Variants in TBC1D5 observed in about 807,000 individuals in gnomAD.
TBC1D5 encodes the protein TBC1 domain family member 5.
In TBC1D5, 75 loss-of-function variants were observed where a neutral mutation model predicts 100.3. The ratio of observed to expected loss-of-function variants is 0.75; its 90% CI spans 0.62 to 0.91. TBC1D5 has a LOEUF of 0.91. TBC1D5 is among the 40% of genes least tolerant of loss of function. The pLI, the probability that TBC1D5 is intolerant of heterozygous loss-of-function variation, is 0.00. For missense variants in TBC1D5, 910 were observed against 942.4 expected (o/e 0.97, Z 0.45); for synonymous variants, 323 against 325.6 (o/e 0.99, Z 0.09).
intron 2 of TBC1D5, among the ~76,000 whole-genome samples, chr3:17,622,003 G>T (rs1254087927): frequency 2.6e-5 from 4 of 152,010 alleles, no homozygotes; most frequent in Non-Finnish European, 5.9e-5. Flanking sequence ...AATCTGATTG[G>T]GATAAGTTCT....
At chr3:17,294,820 C>T (rs909124252) in intron 14 of TBC1D5, among the ~76,000 whole-genome samples, 17 of 152,180 alleles carry the variant, frequency 1.1e-4, no homozygotes, top group Non-Finnish European at 2.1e-4. Flanking sequence ...CCTTAATTTG[C>T]AATTAGATAT....
chr3:17,706,183 A>G, intron 1 of TBC1D5: 1 of 1,560,860 alleles, frequency 6.4e-7, no homozygotes, highest in Admixed American at 1.9e-5. Context: ...AGCCGCTCGA[A>G]GGGCCTCTTC....
chr3:17,510,921 G>A (rs955167356), intron 2 of TBC1D5, among the ~76,000 whole-genome samples: 9 of 152,098 alleles, frequency 5.9e-5, no homozygotes, highest in South Asian at 4.1e-4. Context: ...CACACAAGGA[G>A]TAAGTATTAA....
At chr3:17,436,345 AAGTT>A (rs1021884400) in intron 3 of TBC1D5, among the ~76,000 whole-genome samples, 149 of 152,316 alleles carry the variant, frequency 9.8e-4, no homozygotes, top group African/African-American at 3.4e-3. Flanking sequence ...TCCTCAAAAA[AAGTT>A]AGCTATCATT....
intron 16 of TBC1D5, among the ~76,000 whole-genome samples, chr3:17,252,876 AAATG>A (rs1160745841): frequency 2.0e-5 from 3 of 152,238 alleles, no homozygotes; most frequent in African/African-American, 7.2e-5. Context: ...AGCATTTGTG[AAATG>A]AATGAATACT....
At chr3:17,604,170 G>A (rs997276760) in intron 2 of TBC1D5, among the ~76,000 whole-genome samples, 1 of 152,080 alleles carries the variant, frequency 6.6e-6, no homozygotes, top group East Asian at 1.9e-4. Flanking sequence ...ATGTTGCCCA[G>A]GCTAGTCTCA....
At chr3:17,373,512 T>C (rs568701522) in intron 12 of TBC1D5, among the ~76,000 whole-genome samples, 1 of 152,264 alleles carries the variant, frequency 6.6e-6, no homozygotes, top group South Asian at 2.1e-4. Context: ...CAATTCCACT[T>C]CTAGGTATAT....
chr3:17,406,408 T>A lies in TBC1D5; in HGVS notation c.276+10A>T. 1 of 1,602,722 alleles carries A rather than the reference T, an allele frequency of 6.2e-7. No individual in the cohort carries two copies. The highest frequency in any genetic ancestry group is 8.5e-7 in the Non-Finnish European group (1 of 1,175,912). ...CAACCAGAAACTGTAAATAAATATT[T>A]TCTTCTTACCTTCCAGCAAATGCTG... On this transcript the variant is annotated intron_variant, in intron 5 of 21. Coordinates refer to ENST00000253692, the Ensembl canonical transcript of TBC1D5.
At chr3:17,684,399 T>C (rs540250226) in intron 1 of TBC1D5, among the ~76,000 whole-genome samples, 18 of 152,262 alleles carry the variant, frequency 1.2e-4, no homozygotes, top group Non-Finnish European at 2.4e-4. Flanking sequence ...ATTTTCACTA[T>C]ATTTCAGTAG....
chr3:17,475,882 G>GT (rs1364964587), intron 3 of TBC1D5, among the ~76,000 whole-genome samples: 1 of 152,000 alleles, frequency 6.6e-6, no homozygotes, highest in Non-Finnish European at 1.5e-5. Context: ...TATCAGCAAC[G>GT]TAACAGAGCT....
At chr3:17,464,897 A>C (rs990599845) in intron 3 of TBC1D5, among the ~76,000 whole-genome samples, 1 of 152,144 alleles carries the variant, frequency 6.6e-6, no homozygotes, top group African/African-American at 2.4e-5. Context: ...TGACACATGA[A>C]AATTATATAA....
intron 2 of TBC1D5, among the ~76,000 whole-genome samples, chr3:17,613,748 G>C (rs2061880545): frequency 6.6e-6 from 1 of 152,156 alleles, no homozygotes; most frequent in Non-Finnish European, 1.5e-5. Flanking sequence ...GTTTTCTCTT[G>C]TAAATTTGCT....
At chr3:17,611,850 C>G (rs997518233) in intron 2 of TBC1D5, among the ~76,000 whole-genome samples, 2 of 152,156 alleles carry the variant, frequency 1.3e-5, no homozygotes, top group Non-Finnish European at 2.9e-5. Context: ...TGCATTATCT[C>G]AAGTAGTTCT....
chr3:17,486,215 T>C (rs560157211), intron 3 of TBC1D5, among the ~76,000 whole-genome samples: 1 of 152,262 alleles, frequency 6.6e-6, no homozygotes, highest in East Asian at 1.9e-4. Flanking sequence ...TTTGTTTGAG[T>C]TCATTGTAGA....
intron 3 of TBC1D5, among the ~76,000 whole-genome samples, chr3:17,429,596 C>T (rs990748354): frequency 6.6e-6 from 1 of 151,636 alleles, no homozygotes; most frequent in Non-Finnish European, 1.5e-5. Context: ...TCACAGTGGT[C>T]GTGGATAAGT....
At chr3:17,529,383 G>A (rs2096186045) in intron 2 of TBC1D5, among the ~76,000 whole-genome samples, 1 of 152,058 alleles carries the variant, frequency 6.6e-6, no homozygotes. Context: ...TTCCTTATGT[G>A]AGGTCTTGTT....
At chr3:17,509,871 A>T (rs1394711244) in intron 2 of TBC1D5, among the ~76,000 whole-genome samples, 1 of 151,910 alleles carries the variant, frequency 6.6e-6, no homozygotes, top group Non-Finnish European at 1.5e-5. Context: ...TTTCCCTCTC[A>T]ATTCTCACTT....
chr3:17,704,236 G>C (rs1388322769), intron 1 of TBC1D5, among the ~76,000 whole-genome samples: 62 of 136,440 alleles, frequency 4.5e-4, no homozygotes, highest in Non-Finnish European at 4.4e-4. Context: ...ACAGGGTTGG[G>C]GGTAAGGTCA....
At chr3:17,310,726 A>G (rs1287262660) in intron 13 of TBC1D5, among the ~76,000 whole-genome samples, 1 of 152,050 alleles carries the variant, frequency 6.6e-6, no homozygotes, top group Non-Finnish European at 1.5e-5. Context: ...AAAAAAATTT[A>G]TCATTAGATG....
Sources: gnomAD v4.1 joint callset for allele counts (sites outside exome capture counted in the v4.1 genomes callset) on GRCh38, gnomAD v4.1.1 for gene constraint, MANE v1.5 for transcripts, NCBI Gene and HGNC (gene_info 2026-07-23, HGNC 2026-07-21) for gene names.